Variants in GATAD2A observed in about 807,000 individuals in gnomAD.
GATAD2A encodes transcriptional repressor p66-alpha.
GATAD2A carries 12 observed loss-of-function variants against 68.5 expected under a neutral mutation model. That is an observed-to-expected ratio of 0.18 (90% confidence interval 0.11 to 0.28). The LOEUF (loss-of-function observed/expected upper bound fraction) is 0.28, where lower values mean the gene tolerates loss of function less well. Ranked by LOEUF, GATAD2A falls within the 10% of genes least tolerant of loss-of-function variation. The probability of loss-of-function intolerance (pLI) is 1.00; values close to 1 mark genes in which losing one functional copy is unlikely to be tolerated. For missense variants in GATAD2A, 755 were observed against 868.5 expected (o/e 0.87, Z 1.64); for synonymous variants, 410 against 375.3 (o/e 1.09, Z -1.07).
At position 19,470,874 on chromosome 19, in the gene GATAD2A, C is replaced by T. The variant is rs144254866; in HGVS notation, c.269+5260C>T. 2.2e-3 allele frequency among the ~76,000 whole-genome samples: 333 copies of T among 152,206 alleles called. 2 individuals carry two copies. The highest frequency in any genetic ancestry group is 7.6e-3 in the African/African-American group (315 of 41,532). On this transcript the variant is annotated intron_variant, in intron 2 of 11. Coordinates refer to ENST00000683918, the MANE Select transcript of GATAD2A (RefSeq NM_001384528.1). Reference sequence around the variant, plus strand: ...CTTACAGAGTTAGTTGTAAACTTACCGTATGACTTAGCAATTTATCCAAGA... The same window carrying T: ...CTTACAGAGTTAGTTGTAAACTTACTGTATGACTTAGCAATTTATCCAAGA...
intron 8 of GATAD2A, 105 bp downstream of exon 8, chr19:19,498,827 A>G: frequency 9.9e-7 from 1 of 1,005,268 alleles, no homozygotes; most frequent in East Asian, 2.4e-5. Flanking sequence ...AGGGCTGCCT[A>G]GCCAGGATGG....
intron 2 of GATAD2A, among the ~76,000 whole-genome samples, chr19:19,488,249 G>A (rs774358602): frequency 6.6e-6 from 1 of 152,184 alleles, no homozygotes; most frequent in African/African-American, 2.4e-5. Flanking sequence ...CCCACCTGCC[G>A]CTCCCCTGTT....
Position 19,481,961 on chromosome 19 carries a change from G to A in GATAD2A, c.270-10345G>A, listed in dbSNP as rs530974283. Among the ~76,000 whole-genome samples, 25 of 152,178 alleles carry A rather than the reference G, an allele frequency of 1.6e-4. No individual in the cohort carries two copies. The South Asian group carries it at 3.5e-3, about 21-fold the overall frequency. On this transcript the variant is annotated intron_variant, in intron 2 of 11. Transcript: ENST00000683918. The stretch of plus-strand genomic sequence containing the variant: ...CTACCAATAAATAACAAATTAATTC[G>A]CTGGGTGTGGTGGCTCGTGCCTGTA...
In GATAD2A at chr19:19,427,142, G is replaced by T. The variant is rs78917091; in HGVS notation, c.-7+21123G>T. Among the ~76,000 whole-genome samples the T allele has an allele frequency of 4.7e-3, 721 of 152,122 alleles. 6 individuals carry two copies. Among genetic ancestry groups the T allele is most frequent in the South Asian group, 0.04 (192 of 4,810 alleles). Reference sequence around the variant, plus strand: ...GGTTGCCAGGGGTTGGGGGCAGAGAGATGAGAGTGAGTATTTAATGGGGAT... The same window carrying T: ...GGTTGCCAGGGGTTGGGGGCAGAGATATGAGAGTGAGTATTTAATGGGGAT... On this transcript the variant is annotated intron_variant, in intron 1 of 11. Coordinates refer to ENST00000683918, the MANE Select transcript of GATAD2A (RefSeq NM_001384528.1).
At chr19:19,388,292 G>A (rs2048597539) in intron 1 of GATAD2A, among the ~76,000 whole-genome samples, 1 of 152,018 alleles carries the variant, frequency 6.6e-6, no homozygotes, top group Admixed American at 6.6e-5. Context: ...CCCAACCTCA[G>A]GTGATCCGCC....
chr19:19,484,378 T>C (rs1489066690), intron 2 of GATAD2A, among the ~76,000 whole-genome samples: 3 of 151,964 alleles, frequency 2.0e-5, no homozygotes, highest in Non-Finnish European at 4.4e-5. Context: ...CCAGGCTACA[T>C]TGAACTATGA....
At chr19:19,436,680 CG>C (rs999177978) in intron 1 of GATAD2A, among the ~76,000 whole-genome samples, 24 of 152,232 alleles carry the variant, frequency 1.6e-4, no homozygotes, top group Admixed American at 1.4e-3. Flanking sequence ...GCCCCCGCTG[CG>C]TGGAGCTCTT....
At chr19:19,462,220 G>A (rs2057494891) in intron 1 of GATAD2A, among the ~76,000 whole-genome samples, 1 of 152,232 alleles carries the variant, frequency 6.6e-6, no homozygotes, top group Non-Finnish European at 1.5e-5. Flanking sequence ...CTGTTGTGCT[G>A]GGGGCACTAG....
At chr19:19,436,201 C>G in intron 1 of GATAD2A, 1 of 1,365,274 alleles carries the variant, frequency 7.3e-7, no homozygotes, top group Non-Finnish European at 9.8e-7. Context: ...AGGACCAGCA[C>G]CCCATACCCC....
intron 2 of GATAD2A, among the ~76,000 whole-genome samples, chr19:19,469,147 C>T (rs1568313747): frequency 6.6e-6 from 1 of 152,112 alleles, no homozygotes; most frequent in Non-Finnish European, 1.5e-5. Context: ...TTAAAAAAAT[C>T]AGGGCTGGGC....
intron 2 of GATAD2A, among the ~76,000 whole-genome samples, chr19:19,473,394 CTG>C (rs2058450899): frequency 6.6e-6 from 1 of 152,224 alleles, no homozygotes. Context: ...CAGTGACAGA[CTG>C]TAAAACACAC....
chr19:19,487,389 C>T (rs1006113664), intron 2 of GATAD2A, among the ~76,000 whole-genome samples: 4 of 151,430 alleles, frequency 2.6e-5, no homozygotes, highest in African/African-American at 9.7e-5. Context: ...CAGGTGCTGA[C>T]ATGTCACCCT....
chr19:19,435,222 G>A, intron 1 of GATAD2A: 1 of 471,566 alleles, frequency 2.1e-6, no homozygotes, highest in Admixed American at 2.1e-5. Context: ...TAAATGCTAG[G>A]TTTCTGGGTT....
intron 1 of GATAD2A, chr19:19,456,963 C>A: frequency 3.4e-6 from 1 of 294,640 alleles, no homozygotes; most frequent in Non-Finnish European, 5.0e-6. Context: ...GGGTGTTTTG[C>A]ACTTAAAAAT....
At chr19:19,463,686 A>T (rs2057648064) in intron 1 of GATAD2A, among the ~76,000 whole-genome samples, 1 of 152,164 alleles carries the variant, frequency 6.6e-6, no homozygotes, top group African/African-American at 2.4e-5. Context: ...GTTAAGGGTC[A>T]GCCATGGCAC....
At position 19,483,262 on chromosome 19, in the gene GATAD2A, A is replaced by G. The variant is rs184220507; in HGVS notation, c.270-9044A>G. ...CTTTTTCCTGAGCTCTTTAGCCAGC[A>G]CTGTGGCAGTGCTCACCATAATGGA... On this transcript the variant is annotated intron_variant, in intron 2 of 11. Coordinates refer to ENST00000683918, the MANE Select transcript of GATAD2A (RefSeq NM_001384528.1). Among the ~76,000 whole-genome samples the G allele has an allele frequency of 1.2e-4, 19 of 152,290 alleles. No homozygotes were observed. The East Asian group carries it at 3.3e-3, about 26-fold the overall frequency.
At chr19:19,400,751 G>A (rs2049651721), upstream of GATAD2A, among the ~76,000 whole-genome samples, 1 of 152,082 alleles carries the variant, frequency 6.6e-6, no homozygotes, top group South Asian at 2.1e-4. Context: ...GATTTGGGGT[G>A]AAATAAGAAA....
At chr19:19,474,102 G>A in intron 2 of GATAD2A, 1 of 985,270 alleles carries the variant, frequency 1.0e-6, no homozygotes. Context: ...GCCAAAATGG[G>A]GCCAGCTGGA....
intron 1 of GATAD2A, among the ~76,000 whole-genome samples, chr19:19,427,036 G>A (rs1251285555): frequency 6.6e-6 from 1 of 151,938 alleles, no homozygotes; most frequent in African/African-American, 2.4e-5. Flanking sequence ...AGAGAAGTCA[G>A]GCTCAAAAAG....
Sources: gnomAD v4.1 joint callset for allele counts (sites outside exome capture counted in the v4.1 genomes callset) on GRCh38, gnomAD v4.1.1 for gene constraint, MANE v1.5 for transcripts, NCBI Gene and HGNC (gene_info 2026-07-23, HGNC 2026-07-21) for gene names.